GAD1: variants seen among roughly 807,000 people sequenced by gnomAD.
GAD1 encodes the protein glutamate decarboxylase 1, also known as 67 kDa glutamic acid decarboxylase.
In GAD1, 35 loss-of-function variants were observed where a neutral mutation model predicts 75.2. The observed-to-expected ratio is 0.47, with a 90% CI of 0.36 to 0.62. The LOEUF (loss-of-function observed/expected upper bound fraction) is 0.62. GAD1 is among the 20% of genes least tolerant of loss of function. GAD1 has a pLI of 0.00. For synonymous variants in GAD1, 257 were observed against 271.9 expected (o/e 0.95, Z 0.54); for missense variants, 490 against 758.5 (o/e 0.65, Z 4.16).
rs566955852 is a variant in GAD1, at chr2:170,841,479, C to T, written c.639-2566C>T. Among the ~76,000 whole-genome samples the T allele has an allele frequency of 2.6e-5, 4 of 152,200 alleles. No homozygotes were observed. The East Asian group carries it at 5.8e-4, about 22-fold the overall frequency. The stretch of plus-strand genomic sequence containing the variant: ...CTTTGGGAGGCAAAGGCGGGAGGAT[C>T]GCTTGAGGCCAAGAATTGAAGACCA... On this transcript the variant is annotated intron_variant, in intron 6 of 16. Transcript: ENST00000358196.
At chr2:170,815,083 T>C (rs148450784), upstream of GAD1, among the ~76,000 whole-genome samples, 2 of 152,282 alleles carry the variant, frequency 1.3e-5, no homozygotes, top group Non-Finnish European at 2.9e-5. Flanking sequence ...GGCTCCCTGA[T>C]TGGTGCGAGC....
intron 3 of GAD1, among the ~76,000 whole-genome samples, chr2:170,827,662 C>G (rs534119470): frequency 6.6e-6 from 1 of 152,312 alleles, no homozygotes; most frequent in Admixed American, 6.5e-5. Flanking sequence ...CAGATCCCTC[C>G]TGTCATCTCT....
Position 170,860,607 on chromosome 2 carries a change from T to C in GAD1, c.*725T>C, listed in dbSNP as rs1052001768. The C allele has an allele frequency of 1.3e-5, 2 of 152,708 alleles. No individual in the cohort carries two copies. The highest frequency in any genetic ancestry group is 2.1e-4 in the South Asian group (1 of 4,836). The allele number at this position is 152,708 out of a possible 1,614,324, so 9.5% of individuals were successfully genotyped here. On this transcript the variant is annotated 3_prime_UTR_variant, in exon 17 of 17. Coordinates refer to ENST00000358196, the MANE Select transcript of GAD1 (RefSeq NM_000817.3). Reference sequence around the variant, plus strand: ...CTTATTTATATTCAGAGATGTACCATGTTAAAGAGGCGTCTTGTATTTTCT... The same window carrying C: ...CTTATTTATATTCAGAGATGTACCACGTTAAAGAGGCGTCTTGTATTTTCT...
At chr2:170,829,379 C>T (rs1487154027) in intron 3 of GAD1, 96 bp from the exon 4 acceptor site, 3 of 1,374,020 alleles carry the variant, frequency 2.2e-6, no homozygotes, top group African/African-American at 1.4e-5. Context: ...TCAGGAGAAA[C>T]AAGAGCCCTG....
chr2:170,842,826 C>A, intron 6 of GAD1: 2 of 1,126,416 alleles, frequency 1.8e-6, no homozygotes, highest in Non-Finnish European at 2.4e-6. Flanking sequence ...CTGCTTTTTT[C>A]ATCCACAATT....
In GAD1 at chr2:170,857,143, A is replaced by G. The variant is rs2105813672; in HGVS notation, c.1521+18A>G. 4 of 1,580,498 alleles carry G rather than the reference A, an allele frequency of 2.5e-6. No individual in the cohort carries two copies. Among genetic ancestry groups the G allele is most frequent in the Non-Finnish European group, 2.6e-6 (3 of 1,149,710 alleles). ...ATGGCGAGGTAGGTAATCATCATGGACCAGGTACACAGTATTTCCAGAAAA... is the reference window on the plus strand; with the variant it reads ...ATGGCGAGGTAGGTAATCATCATGGGCCAGGTACACAGTATTTCCAGAAAA... On this transcript the variant is annotated intron_variant, in intron 15 of 16. Transcript: ENST00000358196.
Position 170,850,916 on chromosome 2 carries a change from AG to A in GAD1, c.1184+1568del, listed in dbSNP as rs1419789639. Reference sequence around the variant, plus strand: ...GTAATTCTAGCTACGCAGGAGGCTGAGGCTGGAGAATCACTAGAACCTGGGA... The same window carrying A: ...GTAATTCTAGCTACGCAGGAGGCTGAGCTGGAGAATCACTAGAACCTGGGA... On this transcript the variant is annotated intron_variant, in intron 12 of 16. Transcript: ENST00000358196. Among the ~76,000 whole-genome samples, 10 of 152,236 alleles carry A rather than the reference AG, an allele frequency of 6.6e-5. 1 individual carries two copies. The East Asian group carries it at 1.7e-3, about 26-fold the overall frequency.
intron 14 of GAD1, among the ~76,000 whole-genome samples, chr2:170,856,729 T>C (rs773596881): frequency 3.9e-5 from 6 of 152,184 alleles, no homozygotes; most frequent in Non-Finnish European, 8.8e-5. Flanking sequence ...CCTCAGTTCA[T>C]AGATGACACT....
chr2:170,832,648 A>T (rs892932140), intron 5 of GAD1, among the ~76,000 whole-genome samples: 1 of 143,064 alleles, frequency 7.0e-6, no homozygotes, highest in African/African-American at 2.6e-5. Context: ...ACACAGGCAC[A>T]CATGCGCGCG....
chr2:170,852,704 C>T lies in GAD1; in HGVS notation c.1185-10C>T. ...CTGCACCTTCTCGAAGTCTCATGTG[C>T]TTCTTTCAGGGCCAACTCAGTCACC... On this transcript the variant is annotated splice_polypyrimidine_tract_variant and intron_variant, in intron 12 of 16. Transcript: ENST00000358196. The T allele has an allele frequency of 1.2e-6, 2 of 1,613,738 alleles. No homozygotes were observed. The highest frequency in any genetic ancestry group is 1.3e-5 in the African/African-American group (1 of 75,052).
intron 6 of GAD1, 187 bp from the exon 7 acceptor site, chr2:170,843,858 C>G (rs913764492): frequency 1.7e-6 from 1 of 595,978 alleles, no homozygotes. Flanking sequence ...TCTCAGTAAC[C>G]CAGGCTGGTT....
chr2:170,829,751 C>G, intron 4 of GAD1, 118 bp downstream of exon 4: 1 of 1,135,442 alleles, frequency 8.8e-7, no homozygotes, highest in Non-Finnish European at 1.3e-6. Context: ...TCTCTGAACC[C>G]ACATGAAACT....
chr2:170,840,303 T>C (rs945702153), intron 6 of GAD1, among the ~76,000 whole-genome samples: 2 of 152,222 alleles, frequency 1.3e-5, no homozygotes, highest in African/African-American at 4.8e-5. Context: ...TATTTCTGTC[T>C]CTCATCATCT....
chr2:170,845,953 A>G (rs1194607715), intron 9 of GAD1, 56 bp from the exon 10 acceptor site: 2 of 1,550,218 alleles, frequency 1.3e-6, no homozygotes, highest in Non-Finnish European at 8.9e-7. Context: ...AGTTTTTTTC[A>G]TGTGCAATCT....
chr2:170,813,793 C>T (rs1359494139), upstream of GAD1, among the ~76,000 whole-genome samples: 1 of 152,200 alleles, frequency 6.6e-6, no homozygotes, highest in Non-Finnish European at 1.5e-5. Context: ...GGGTCGTGTT[C>T]CCAAGTCCCA....
chr2:170,842,948 G>A (rs1702549549), intron 6 of GAD1, among the ~76,000 whole-genome samples: 1 of 152,102 alleles, frequency 6.6e-6, no homozygotes, highest in Non-Finnish European at 1.5e-5. Flanking sequence ...TTCAACATTA[G>A]CACTTGGCTC....
chr2:170,842,221 C>G lies in GAD1; in HGVS notation c.639-1824C>G, dbSNP rs562978933. Among the ~76,000 whole-genome samples the G allele has an allele frequency of 6.6e-5, 10 of 152,288 alleles. No individual in the cohort carries two copies. In the South Asian group the frequency reaches 1.0e-3, roughly 16 times the overall value. On this transcript the variant is annotated intron_variant, in intron 6 of 16. Coordinates refer to ENST00000358196, the MANE Select transcript of GAD1 (RefSeq NM_000817.3). ...TGCCTGATATTCAGTCCCATTCCCT[C>G]TCCCTTGTCCATGTGGTTCCTGCCT... is the stretch of plus-strand genomic sequence containing the variant.
intron 3 of GAD1, among the ~76,000 whole-genome samples, chr2:170,828,479 A>G (rs375926450): frequency 3.5e-5 from 1 of 28,484 alleles, no homozygotes; most frequent in Non-Finnish European, 6.5e-5. Flanking sequence ...GCTGTCCTTG[A>G]TCTCCTCCCT....
At chr2:170,832,657 C>CGT (rs1702262089) in intron 5 of GAD1, among the ~76,000 whole-genome samples, 1 of 38,364 alleles carries the variant, frequency 2.6e-5, no homozygotes, top group Non-Finnish European at 8.1e-5. Context: ...CACATGCGCG[C>CGT]GCGCGCGCAC....
Sources: gnomAD v4.1 joint callset for allele counts (sites outside exome capture counted in the v4.1 genomes callset) on GRCh38, gnomAD v4.1.1 for gene constraint, MANE v1.5 for transcripts, NCBI Gene and HGNC (gene_info 2026-07-23, HGNC 2026-07-21) for gene names.